The following AFF2 variants were observed in gnomAD, a reference collection of about 807,000 sequenced individuals.
AFF2 encodes the protein AF4/FMR2 family member 2.
In AFF2, 14 loss-of-function variants were observed where a neutral mutation model predicts 76.9. That is an observed-to-expected ratio of 0.18 (90% CI 0.12 to 0.28). The LOEUF (loss-of-function observed/expected upper bound fraction) is 0.28, where lower values mean the gene tolerates loss of function less well. AFF2 is among the 10% of genes least tolerant of loss of function. The pLI is 1.00. For synonymous variants in AFF2, 398 were observed against 366.7 expected, an observed-to-expected ratio of 1.09 and a Z score of -0.98; for missense variants, 868 against 1,001.1, an observed-to-expected ratio of 0.87 and a Z score of 1.79.
intron 4 of AFF2, among the ~76,000 whole-genome samples, chrX:148,816,957 A>G (rs2070272776): frequency 9.1e-6 from 1 of 110,220 alleles, no homozygotes; most frequent in African/African-American, 3.3e-5. Flanking sequence ...TACACAAAAA[A>G]GCATGTGAGA....
chrX:148,788,464 A>G (rs938626736), intron 3 of AFF2, among the ~76,000 whole-genome samples: 10 of 111,936 alleles, frequency 8.9e-5, no homozygotes, highest in Non-Finnish European at 1.7e-4. Context: ...GTCCATCGCT[A>G]TTTATATTGG....
intron 1 of AFF2, among the ~76,000 whole-genome samples, chrX:148,626,618 A>G (rs782726469): frequency 3.9e-4 from 43 of 110,446 alleles, no homozygotes; most frequent in Non-Finnish European, 7.6e-4. Context: ...CTAGCTCTGA[A>G]AGTTTTAGGA....
chrX:148,526,388 T>TTTTG (rs2052660459), intron 1 of AFF2, among the ~76,000 whole-genome samples: 1 of 95,487 alleles, frequency 1.0e-5, no homozygotes, highest in Non-Finnish European at 2.1e-5. Context: ...TTTTTTTTTT[T>TTTTG]GATGCACAAA....
chrX:148,739,064 G>T (rs2055319632), intron 3 of AFF2, among the ~76,000 whole-genome samples: 2 of 111,658 alleles, frequency 1.8e-5, no homozygotes, highest in African/African-American at 6.5e-5. Context: ...AAACTTCCAT[G>T]CACTGTTGAA....
intron 9 of AFF2, among the ~76,000 whole-genome samples, chrX:148,944,348 CTTG>C (rs1180318950): frequency 2.7e-5 from 3 of 111,628 alleles, no homozygotes; most frequent in East Asian, 5.7e-4. Flanking sequence ...AGGTCTTGAC[CTTG>C]TTGTAGACTC....
intron 3 of AFF2, among the ~76,000 whole-genome samples, chrX:148,744,062 A>G (rs2055392950): frequency 9.0e-6 from 1 of 111,122 alleles, no homozygotes; most frequent in South Asian, 3.8e-4. Flanking sequence ...CTAATTTTTT[A>G]CGTTATATGC....
rs1557287430 is a variant in AFF2, at chrX:148,956,594, A to G, written c.2549A>G (p.Lys850Arg). 8.3e-7 allele frequency: 1 copy of G among 1,210,044 alleles called. No homozygotes were observed. Among genetic ancestry groups the G allele is most frequent in the Admixed American group, 2.2e-5 (1 of 45,785 alleles). Reference sequence around the variant, plus strand: ...ACAGCTGTGGAGAAACCAGCCCCTAAGGGCAAACGTAAGCACAAGGTAAGC... The same window carrying G: ...ACAGCTGTGGAGAAACCAGCCCCTAGGGGCAAACGTAAGCACAAGGTAAGC... ...AVTAVEKPAPKGKRKHKPIEV... is the reference protein window; with the variant it reads ...AVTAVEKPAPRGKRKHKPIEV... Residue 850 changes from lysine (K) to arginine (R), a missense_variant, in exon 11 of 21, where the codon AAG (lysine) becomes AGG (arginine). Coordinates refer to ENST00000370460, the MANE Select transcript of AFF2 (RefSeq NM_002025.4).
chrX:148,735,536 A>T (rs1005558822), intron 3 of AFF2, among the ~76,000 whole-genome samples: 2 of 112,202 alleles, frequency 1.8e-5, no homozygotes, highest in African/African-American at 3.2e-5. Flanking sequence ...AAATGAATGC[A>T]ATTCATTGAG....
intron 9 of AFF2, among the ~76,000 whole-genome samples, chrX:148,916,054 G>A (rs112770821): frequency 1.8e-5 from 2 of 111,566 alleles, no homozygotes; most frequent in African/African-American, 3.3e-5. Context: ...ACACAGCAGA[G>A]CACAGCTGTG....
At chrX:148,574,885 T>C (rs973176187) in intron 1 of AFF2, among the ~76,000 whole-genome samples, 16 of 110,756 alleles carry the variant, frequency 1.4e-4, no homozygotes, top group Non-Finnish European at 2.8e-4. Flanking sequence ...AAGTATAGTA[T>C]CAGTAACTGC....
At chrX:148,692,381 C>T (rs5980578) in intron 3 of AFF2, among the ~76,000 whole-genome samples, 3 of 111,616 alleles carry the variant, frequency 2.7e-5, no homozygotes, top group African/African-American at 9.8e-5. Flanking sequence ...TGCCCTCTAT[C>T]GTAATAAGGC....
chrX:148,821,365 A>C (rs1234706785), intron 4 of AFF2, among the ~76,000 whole-genome samples: 1 of 110,648 alleles, frequency 9.0e-6, no homozygotes, highest in Non-Finnish European at 1.9e-5. Flanking sequence ...TGTCACTGAA[A>C]GTGTTCAATA....
chrX:148,782,291 G>C (rs1557269158), intron 3 of AFF2, among the ~76,000 whole-genome samples: 1 of 111,916 alleles, frequency 8.9e-6, no homozygotes. Context: ...AAGTGACAGA[G>C]CTGAGATGAT....
At chrX:148,781,095 A>G (rs2069737570) in intron 3 of AFF2, among the ~76,000 whole-genome samples, 2 of 111,831 alleles carry the variant, frequency 1.8e-5, no homozygotes, top group African/African-American at 6.5e-5. Context: ...AACAGCAAAG[A>G]TTGCTGCCCG....
At chrX:148,622,597 G>A (rs2053880679) in intron 1 of AFF2, among the ~76,000 whole-genome samples, 1 of 111,643 alleles carries the variant, frequency 9.0e-6, no homozygotes, top group Non-Finnish European at 1.9e-5. Context: ...CTTGATATCT[G>A]CAGTTTACCA....
At chrX:148,932,419 G>C (rs1227226783) in intron 9 of AFF2, among the ~76,000 whole-genome samples, 2 of 111,857 alleles carry the variant, frequency 1.8e-5, no homozygotes, top group Non-Finnish European at 3.8e-5. Flanking sequence ...AATAGGAAGA[G>C]CTTTGGAGTG....
chrX:148,750,590 C>CA (rs1165885247), intron 3 of AFF2, among the ~76,000 whole-genome samples: 4 of 111,473 alleles, frequency 3.6e-5, no homozygotes, highest in Non-Finnish European at 7.5e-5. Context: ...CACTTCTAGC[C>CA]ATGCTCTACT....
At chrX:148,672,990 C>T (rs905701837) in intron 3 of AFF2, among the ~76,000 whole-genome samples, 3 of 110,797 alleles carry the variant, frequency 2.7e-5, no homozygotes, top group Admixed American at 9.6e-5. Flanking sequence ...TGTTTGAGCC[C>T]CTGAAAAATA....
chrX:148,501,195 G>T, intron 1 of AFF2, 51 bp downstream of exon 1: 1 of 1,196,986 alleles, frequency 8.4e-7, no homozygotes, highest in Non-Finnish European at 1.1e-6. Flanking sequence ...TCCTGGCGAA[G>T]TCTGAGGTTT....
Sources: gnomAD v4.1 joint callset for allele counts (sites outside exome capture counted in the v4.1 genomes callset) on GRCh38, gnomAD v4.1.1 for gene constraint, MANE v1.5 for transcripts, NCBI Gene and HGNC (gene_info 2026-07-23, HGNC 2026-07-21) for gene names.